Variants in GRM5 observed in about 807,000 individuals in gnomAD.
GRM5 encodes the protein metabotropic glutamate receptor 5.
Under a neutral mutation model 83.1 loss-of-function variants are expected in GRM5, and 19 were observed. That is an observed-to-expected ratio of 0.23 (90% CI 0.16 to 0.34). The LOEUF (loss-of-function observed/expected upper bound fraction) is 0.34. Ranked by LOEUF, GRM5 falls within the 10% of genes least tolerant of loss-of-function variation. The pLI is 1.00. For synonymous variants in GRM5, 675 were observed against 633.6 expected (o/e 1.07, Z -0.98); for missense variants, 1,160 against 1,588.3 (o/e 0.73, Z 4.58).
At chr11:89,027,945 C>T (rs1404018476) in intron 2 of GRM5, among the ~76,000 whole-genome samples, 1 of 152,082 alleles carries the variant, frequency 6.6e-6, no homozygotes, top group Non-Finnish European at 1.5e-5. Flanking sequence ...AGAATTAATG[C>T]CATTTTAAAA....
intron 7 of GRM5, among the ~76,000 whole-genome samples, chr11:88,574,808 A>T (rs1943072505): frequency 6.6e-6 from 1 of 152,042 alleles, no homozygotes; most frequent in Non-Finnish European, 1.5e-5. Context: ...GTCATTTGGG[A>T]CATTTTTTAT....
At chr11:88,747,442 A>C (rs1337455260) in intron 3 of GRM5, among the ~76,000 whole-genome samples, 4 of 152,184 alleles carry the variant, frequency 2.6e-5, no homozygotes, top group South Asian at 2.1e-4. Flanking sequence ...TTAAACTACC[A>C]GATCACTAGA....
intron 2 of GRM5, among the ~76,000 whole-genome samples, chr11:88,881,445 G>A (rs1227526585): frequency 4.0e-5 from 6 of 151,728 alleles, no homozygotes; most frequent in South Asian, 2.1e-4. Flanking sequence ...CATCTTCTGC[G>A]ATAAAATAAT....
intron 2 of GRM5, among the ~76,000 whole-genome samples, chr11:89,041,742 A>G (rs1941540062): frequency 6.6e-6 from 1 of 152,186 alleles, no homozygotes; most frequent in African/African-American, 2.4e-5. Context: ...CTGTTTCTTT[A>G]CAATTAGAGT....
chr11:88,516,971 A>G (rs1489302765), intron 9 of GRM5, among the ~76,000 whole-genome samples: 2 of 152,052 alleles, frequency 1.3e-5, no homozygotes, highest in African/African-American at 4.8e-5. Flanking sequence ...TTTCCTTAAT[A>G]TTTCCAGATT....
At chr11:88,582,433 A>G (rs1943230619) in intron 7 of GRM5, among the ~76,000 whole-genome samples, 1 of 152,200 alleles carries the variant, frequency 6.6e-6, no homozygotes, top group Admixed American at 6.5e-5. Flanking sequence ...TTAAAAAAAG[A>G]GTAGGAATGT....
At chr11:89,019,836 TTTGGTTTAATCA>T (rs1161904592) in intron 2 of GRM5, among the ~76,000 whole-genome samples, 5 of 152,288 alleles carry the variant, frequency 3.3e-5, no homozygotes, top group African/African-American at 1.2e-4. Context: ...ATCAGACACC[TTTGGTTTAATCA>T]TTCATATGAT....
chr11:88,573,890 C>A (rs1177478215), intron 7 of GRM5, among the ~76,000 whole-genome samples: 1 of 152,162 alleles, frequency 6.6e-6, no homozygotes, highest in African/African-American at 2.4e-5. Flanking sequence ...AATTCTGTGT[C>A]TAGTGTTCAT....
chr11:88,588,265 T>C (rs1943360233), intron 7 of GRM5, among the ~76,000 whole-genome samples: 2 of 152,228 alleles, frequency 1.3e-5, no homozygotes, highest in African/African-American at 2.4e-5. Context: ...TGAGCTATGA[T>C]CTAAGTTATT....
intron 2 of GRM5, among the ~76,000 whole-genome samples, chr11:88,895,765 T>G (rs1476849124): frequency 6.6e-6 from 1 of 151,940 alleles, no homozygotes; most frequent in Non-Finnish European, 1.5e-5. Flanking sequence ...CTTATTGACA[T>G]ACACTGTGCA....
At chr11:88,909,545 TACACACAC>T (rs60637208) in intron 2 of GRM5, among the ~76,000 whole-genome samples, 4 of 146,088 alleles carry the variant, frequency 2.7e-5, no homozygotes, top group Admixed American at 1.4e-4. Context: ...TCCTCACCAG[TACACACAC>T]ACACACACAC....
intron 3 of GRM5, among the ~76,000 whole-genome samples, chr11:88,787,239 C>A (rs1202494290): frequency 6.6e-6 from 1 of 150,910 alleles, no homozygotes; most frequent in African/African-American, 2.4e-5. Context: ...GACATCCAAG[C>A]ATCACTCATT....
At chr11:88,840,096 G>A (rs903645456) in intron 3 of GRM5, among the ~76,000 whole-genome samples, 1 of 152,172 alleles carries the variant, frequency 6.6e-6, no homozygotes, top group Middle Eastern at 3.2e-3. Context: ...GGGGAAGCAG[G>A]AGAGGCAGGC....
intron 2 of GRM5, among the ~76,000 whole-genome samples, chr11:88,962,917 C>T (rs1447415179): frequency 2.6e-5 from 4 of 152,104 alleles, no homozygotes; most frequent in Non-Finnish European, 5.9e-5. Context: ...GGTGAAACCT[C>T]GTCTCTACTA....
intron 3 of GRM5, among the ~76,000 whole-genome samples, chr11:88,810,031 T>G (rs1385546200): frequency 6.6e-6 from 1 of 152,058 alleles, no homozygotes; most frequent in Non-Finnish European, 1.5e-5. Flanking sequence ...GAGAGGCCTC[T>G]ACTACTGAGG....
At chr11:88,674,814 G>T (rs1035448312) in intron 3 of GRM5, among the ~76,000 whole-genome samples, 4 of 151,926 alleles carry the variant, frequency 2.6e-5, no homozygotes, top group African/African-American at 9.6e-5. Flanking sequence ...TTATGAGTGA[G>T]ATTTCTAAAA....
At chr11:88,965,704 T>A (rs1938936443) in intron 2 of GRM5, among the ~76,000 whole-genome samples, 1 of 152,052 alleles carries the variant, frequency 6.6e-6, no homozygotes, top group Admixed American at 6.6e-5. Flanking sequence ...AAGAAGGTAT[T>A]TTTAAAATCT....
At chr11:88,914,504 G>T (rs549072151) in intron 2 of GRM5, among the ~76,000 whole-genome samples, 1 of 152,134 alleles carries the variant, frequency 6.6e-6, no homozygotes, top group Non-Finnish European at 1.5e-5. Context: ...AGAATACACT[G>T]CCAGAATCCA....
At chr11:89,038,781 G>T (rs1941455163) in intron 2 of GRM5, among the ~76,000 whole-genome samples, 1 of 152,044 alleles carries the variant, frequency 6.6e-6, no homozygotes, top group South Asian at 2.1e-4. Flanking sequence ...ACTTTTCCTT[G>T]GAGCCACACC....
Sources: allele counts gnomAD v4.1 joint callset (sites outside exome capture counted in the v4.1 genomes callset), GRCh38; gene constraint gnomAD v4.1.1; transcripts MANE v1.5; gene names NCBI Gene and HGNC (gene_info 2026-07-23, HGNC 2026-07-21).